The following ADAM32 variants were observed in gnomAD, a reference collection of about 807,000 sequenced individuals.
ADAM32 encodes the protein ADAM metallopeptidase domain 32.
In ADAM32, 89 loss-of-function variants were observed where a neutral mutation model predicts 114.9. That is an observed-to-expected ratio of 0.77 (90% CI 0.65 to 0.92). ADAM32 has a LOEUF of 0.92. Among genes scored for constraint, ADAM32 ranks in the 40% least tolerant of loss-of-function variants. ADAM32 has a pLI of 0.00. For synonymous variants in ADAM32, 285 were observed against 307.5 expected, an observed-to-expected ratio of 0.93 and a Z score of 0.77; for missense variants, 870 against 932.8, an observed-to-expected ratio of 0.93 and a Z score of 0.88.
intron 5 of ADAM32, among the ~76,000 whole-genome samples, chr8:39,150,917 C>A: frequency 1.6e-5 from 1 of 64,472 alleles, no homozygotes. Flanking sequence ...GCAGTATAAT[C>A]ATTTTTCAAA....
chr8:39,222,950 C>A, intron 13 of ADAM32, 90 bp from the exon 14 acceptor site: 2 of 1,123,366 alleles, frequency 1.8e-6, no homozygotes, highest in Non-Finnish European at 2.5e-6. Context: ...TAGACTAAAG[C>A]GAAAATGATT....
At chr8:39,172,910 A>G (rs868648251) in intron 10 of ADAM32, among the ~76,000 whole-genome samples, 1 of 152,182 alleles carries the variant, frequency 6.6e-6, no homozygotes, top group African/African-American at 2.4e-5. Flanking sequence ...TCTTTGAGGA[A>G]TTGCCACAGT....
At chr8:39,175,039 C>T (rs77795024) in intron 10 of ADAM32, among the ~76,000 whole-genome samples, 2 of 152,058 alleles carry the variant, frequency 1.3e-5, no homozygotes, top group Admixed American at 6.6e-5. Flanking sequence ...ATTTTGTATC[C>T]TGAGACATTG....
intron 16 of ADAM32, among the ~76,000 whole-genome samples, chr8:39,235,920 T>C (rs1159051109): frequency 2.6e-5 from 4 of 152,204 alleles, no homozygotes; most frequent in Non-Finnish European, 4.4e-5. Flanking sequence ...TGTGCTTTAA[T>C]GTTTAACAGG....
At chr8:39,142,804 T>A (rs1202982097) in intron 3 of ADAM32, among the ~76,000 whole-genome samples, 3 of 152,190 alleles carry the variant, frequency 2.0e-5, no homozygotes, top group Non-Finnish European at 4.4e-5. Flanking sequence ...GTGTATTCTA[T>A]CTTGGTTCCA....
chr8:39,276,895 T>G (rs1038610722), intron 22 of ADAM32, among the ~76,000 whole-genome samples: 2 of 152,208 alleles, frequency 1.3e-5, no homozygotes, highest in Non-Finnish European at 2.9e-5. Flanking sequence ...ATGTCTATCT[T>G]GCTCAGCATT....
At chr8:39,198,259 G>C (rs180688554) in intron 11 of ADAM32, among the ~76,000 whole-genome samples, 1 of 152,024 alleles carries the variant, frequency 6.6e-6, no homozygotes, top group Admixed American at 6.5e-5. Flanking sequence ...CTTTCAGCCA[G>C]TCTATATTTT....
intron 3 of ADAM32, 48 bp from the exon 4 acceptor site, chr8:39,147,082 T>A (rs749647157): frequency 4.0e-6 from 3 of 751,252 alleles, no homozygotes; most frequent in Non-Finnish European, 3.6e-6. Context: ...TGTTTTTATA[T>A]GTTTCAAAAA....
intron 17 of ADAM32, among the ~76,000 whole-genome samples, chr8:39,252,491 G>T (rs1811368158): frequency 6.6e-6 from 1 of 150,564 alleles, no homozygotes; most frequent in Admixed American, 6.6e-5. Flanking sequence ...AAAGAATAAA[G>T]ATTTCAAATA....
intron 1 of ADAM32, among the ~76,000 whole-genome samples, chr8:39,113,267 G>T (rs1840238808): frequency 6.6e-6 from 1 of 152,194 alleles, no homozygotes; most frequent in Admixed American, 6.5e-5. Context: ...GCTGCCAGAT[G>T]ACTGCAGCCA....
chr8:39,257,429 A>G (rs996428170), intron 19 of ADAM32, 86 bp downstream of exon 19: 1 of 1,453,576 alleles, frequency 6.9e-7, no homozygotes, highest in Admixed American at 2.0e-5. Flanking sequence ...CAGTAGCAAT[A>G]CTTTACATAT....
chr8:39,139,786 T>C (rs1417718269), intron 3 of ADAM32, among the ~76,000 whole-genome samples: 2 of 152,258 alleles, frequency 1.3e-5, no homozygotes, highest in Admixed American at 6.5e-5. Flanking sequence ...TTTCATGATA[T>C]TGATTCTTCC....
At chr8:39,164,989 T>C (rs374199610) in intron 8 of ADAM32, 41 bp from the exon 9 acceptor site, 72 of 1,543,614 alleles carry the variant, frequency 4.7e-5, no homozygotes, top group East Asian at 3.6e-4. Context: ...TAAGATAACA[T>C]AAATATTAAT....
chr8:39,215,717 G>A (rs534937978), intron 12 of ADAM32, among the ~76,000 whole-genome samples: 13 of 151,740 alleles, frequency 8.6e-5, no homozygotes, highest in East Asian at 1.9e-4. Context: ...CTTGTTATTC[G>A]TTTCTTGTTT....
intron 3 of ADAM32, among the ~76,000 whole-genome samples, chr8:39,142,660 T>C (rs1012788567): frequency 4.4e-4 from 67 of 152,276 alleles, no homozygotes; most frequent in Admixed American, 3.7e-3. Flanking sequence ...CCAACCTTGG[T>C]GAATCTGACA....
Position 39,246,078 on chromosome 8 carries a change from T to G in ADAM32, c.1819-5T>G. 1 of 1,613,016 alleles carries G rather than the reference T, an allele frequency of 6.2e-7. No individual in the cohort carries two copies. The highest frequency in any genetic ancestry group is 8.5e-7 in the Non-Finnish European group (1 of 1,179,206). ...GGAACTTTTTTTGTATGTGTTTTTCTTTAGGTTTGTGTAAATCGTGAATGT... is the reference window on the plus strand; with the variant it reads ...GGAACTTTTTTTGTATGTGTTTTTCGTTAGGTTTGTGTAAATCGTGAATGT... On this transcript the variant is annotated splice_region_variant and splice_polypyrimidine_tract_variant and intron_variant, in intron 16 of 24. Transcript: ENST00000379907.
intron 1 of ADAM32, 48 bp downstream of exon 1, chr8:39,107,881 C>A: frequency 2.7e-6 from 4 of 1,480,534 alleles, no homozygotes; most frequent in Non-Finnish European, 3.6e-6. Context: ...CGTCACACTG[C>A]GGCCCGACTC....
Position 39,257,253 on chromosome 8 carries a change from T to C in ADAM32, c.2072T>C (p.Leu691Pro). The change falls in exon 19 of 25, where the codon CTT becomes CCT. Residue 691 changes from leucine (L) to proline (P), a missense_variant. Transcript: ENST00000379907. ...NTWLLGFLIA[L>P]PILIVTTAIV... ...TGGCTTCTAGGTTTCCTCATTGCTC[T>C]TCCTATTCTCATTGTAACAACCGCA... 6.2e-7 allele frequency: 1 copy of C among 1,613,254 alleles called. No individual in the cohort carries two copies. Among genetic ancestry groups the C allele is most frequent in the Non-Finnish European group, 8.5e-7 (1 of 1,179,512 alleles).
intron 7 of ADAM32, among the ~76,000 whole-genome samples, chr8:39,162,702 T>G (rs1804589702): frequency 7.0e-6 from 1 of 142,350 alleles, no homozygotes; most frequent in Admixed American, 7.1e-5. Flanking sequence ...TTACATATTC[T>G]TTAGTAAAAA....
Sources: allele counts gnomAD v4.1 joint callset (sites outside exome capture counted in the v4.1 genomes callset), GRCh38; gene constraint gnomAD v4.1.1; transcripts MANE v1.5; gene names NCBI Gene and HGNC (gene_info 2026-07-23, HGNC 2026-07-21).